Variants in NCAM2 observed in about 807,000 individuals in gnomAD.
NCAM2 encodes neural cell adhesion molecule 2.
In NCAM2, 30 loss-of-function variants were observed where a neutral mutation model predicts 98.1. The observed-to-expected ratio is 0.31, with a 90% CI of 0.23 to 0.41. The LOEUF is 0.41. Among genes scored for constraint, NCAM2 ranks in the 10% least tolerant of loss-of-function variants. The pLI, the probability that NCAM2 is intolerant of heterozygous loss-of-function variation, is 1.00. For synonymous variants in NCAM2, 368 were observed against 342.4 expected (o/e 1.07, Z -0.83); for missense variants, 867 against 1,005.8 (o/e 0.86, Z 1.87).
chr21:21,355,042 TAAATA>T (rs923953628), intron 8 of NCAM2, among the ~76,000 whole-genome samples: 34 of 152,306 alleles, frequency 2.2e-4, no homozygotes, highest in Admixed American at 1.0e-3. Flanking sequence ...CTTTCTGTGT[TAAATA>T]AAATAAACTG....
chr21:21,167,716 C>T (rs772839755), intron 1 of NCAM2, among the ~76,000 whole-genome samples: 3 of 152,068 alleles, frequency 2.0e-5, no homozygotes, highest in Non-Finnish European at 2.9e-5. Flanking sequence ...ATTTTATAAC[C>T]TACACAGAAC....
intron 1 of NCAM2, among the ~76,000 whole-genome samples, chr21:21,185,817 C>G (rs1372256351): frequency 2.0e-5 from 3 of 152,004 alleles, no homozygotes; most frequent in African/African-American, 7.2e-5. Flanking sequence ...AAGGAATATG[C>G]ATAAAAGTGG....
intron 6 of NCAM2, among the ~76,000 whole-genome samples, chr21:21,329,435 C>A (rs1373666349): frequency 6.6e-6 from 1 of 152,058 alleles, no homozygotes; most frequent in Non-Finnish European, 1.5e-5. Context: ...TATATACCAT[C>A]TTGGTTTGTG....
At chr21:21,295,259 C>A (rs34795469) in intron 5 of NCAM2, among the ~76,000 whole-genome samples, 151,848 of 151,848 alleles carry the variant, frequency 1, 75,924 homozygotes, top group Non-Finnish European at 1. Flanking sequence ...CTTTTGTTCA[C>A]CAATTAGTTG....
At chr21:21,532,528 G>T (rs1199455620) in intron 16 of NCAM2, among the ~76,000 whole-genome samples, 3 of 151,976 alleles carry the variant, frequency 2.0e-5, no homozygotes, top group Non-Finnish European at 4.4e-5. Context: ...AAAGATATTT[G>T]TTTGCATATT....
chr21:21,143,804 G>GTTTTTTT (rs201614786), intron 1 of NCAM2, among the ~76,000 whole-genome samples: 1 of 123,428 alleles, frequency 8.1e-6, no homozygotes, highest in Non-Finnish European at 1.7e-5. Context: ...TTTTTAGGAA[G>GTTTTTTT]TTTTTTTTTT....
intron 1 of NCAM2, among the ~76,000 whole-genome samples, chr21:21,178,863 G>A (rs1012936328): frequency 6.6e-6 from 1 of 151,992 alleles, no homozygotes; most frequent in African/African-American, 2.4e-5. Flanking sequence ...CAGGCTTGAA[G>A]AGACTATACA....
chr21:21,450,240 T>C (rs959769361), intron 12 of NCAM2, among the ~76,000 whole-genome samples: 1 of 152,064 alleles, frequency 6.6e-6, no homozygotes, highest in Non-Finnish European at 1.5e-5. Context: ...ATACACATTA[T>C]ATATGTATAT....
intron 10 of NCAM2, among the ~76,000 whole-genome samples, chr21:21,412,923 C>T (rs559089865): frequency 3.7e-4 from 57 of 152,096 alleles, no homozygotes; most frequent in Admixed American, 1.4e-3. Context: ...CATATATGTG[C>T]TAATTCTTTA....
chr21:21,110,935 T>A (rs73224228), intron 1 of NCAM2, among the ~76,000 whole-genome samples: 2,416 of 152,152 alleles, frequency 0.016, 35 homozygotes, highest in South Asian at 0.071. Context: ...GTGTGTTTTT[T>A]AATAACAATA....
Position 21,537,907 on chromosome 21 carries a change from A to G in NCAM2, c.2464A>G (p.Lys822Glu). 1 of 1,584,188 alleles carries G rather than the reference A, an allele frequency of 6.3e-7. No homozygotes were observed. Among genetic ancestry groups the G allele is most frequent in the Non-Finnish European group, 8.6e-7 (1 of 1,166,044 alleles). ...EALNPETIEIKVSNDIIQSKE... is the reference protein window; with the variant it reads ...EALNPETIEIEVSNDIIQSKE... ...TCTAAATCCAGAAACTATAGAAATTAAAGTTTCTAACGACATCATTCAATC... is the reference window on the plus strand; with the variant it reads ...TCTAAATCCAGAAACTATAGAAATTGAAGTTTCTAACGACATCATTCAATC... The change falls in exon 18 of 18, where the codon AAA becomes GAA. Residue 822 changes from lysine (K) to glutamate (E), a missense_variant. Physicochemically the swap from Lys to Glu is moderately conservative, Grantham distance 56. Around this residue, in one of 5 missense-constraint regions of NCAM2, gnomAD observed 125 missense variants for 116.1 expected, o/e 1.08. Coordinates refer to ENST00000400546, the MANE Select transcript of NCAM2 (RefSeq NM_004540.5).
chr21:21,379,719 G>T (rs867438682), intron 9 of NCAM2, among the ~76,000 whole-genome samples: 3 of 151,938 alleles, frequency 2.0e-5, no homozygotes, highest in Non-Finnish European at 4.4e-5. Flanking sequence ...CATATATTCT[G>T]TAGTTGTTAT....
chr21:21,531,517 G>T (rs991827209), intron 16 of NCAM2, among the ~76,000 whole-genome samples: 1 of 117,418 alleles, frequency 8.5e-6, no homozygotes, highest in Non-Finnish European at 1.7e-5. Context: ...GAGTTAGTGG[G>T]AGAGCCAGCT....
At chr21:21,148,945 A>G (rs1156699855) in intron 1 of NCAM2, among the ~76,000 whole-genome samples, 1 of 152,198 alleles carries the variant, frequency 6.6e-6, no homozygotes, top group Non-Finnish European at 1.5e-5. Context: ...TTCCAAAAGA[A>G]TATCCAGCTC....
intron 1 of NCAM2, among the ~76,000 whole-genome samples, chr21:21,152,593 T>C (rs1179313772): frequency 6.6e-6 from 1 of 152,020 alleles, no homozygotes; most frequent in Non-Finnish European, 1.5e-5. Flanking sequence ...TATTTTAGGC[T>C]AGACTTTGTG....
chr21:21,041,130 AAG>A (rs1271105936), intron 1 of NCAM2, among the ~76,000 whole-genome samples: 4 of 152,158 alleles, frequency 2.6e-5, no homozygotes, highest in Non-Finnish European at 5.9e-5. Flanking sequence ...AAAGAAAAGA[AAG>A]AGCTATCAAT....
At chr21:21,265,390 ACAC>A (rs1431571203) in intron 1 of NCAM2, among the ~76,000 whole-genome samples, 240 of 520 alleles carry the variant, frequency 0.46, 6 homozygotes, top group African/African-American at 0.5. Flanking sequence ...ATATATGTAC[ACAC>A]CATATATTAT....
At chr21:21,291,614 T>G (rs78540028) in intron 4 of NCAM2, among the ~76,000 whole-genome samples, 2,840 of 152,030 alleles carry the variant, frequency 0.019, 85 homozygotes, top group African/African-American at 0.065. Flanking sequence ...TTTTATATCC[T>G]TTATATGACT....
chr21:21,181,647 T>C (rs1051634749), intron 1 of NCAM2, among the ~76,000 whole-genome samples: 4 of 152,200 alleles, frequency 2.6e-5, no homozygotes, highest in Admixed American at 6.6e-5. Context: ...CTGAAACTTC[T>C]ACTGAAAAGC....
Sources: allele counts gnomAD v4.1 joint callset (sites outside exome capture counted in the v4.1 genomes callset), GRCh38; gene constraint gnomAD v4.1.1; regional missense constraint gnomAD v4.1.1; transcripts MANE v1.5; gene names NCBI Gene and HGNC (gene_info 2026-07-23, HGNC 2026-07-21).